Variants in TACC1 observed in about 807,000 individuals in gnomAD.
The protein encoded by TACC1 is transforming acidic coiled-coil containing protein 1, also known as transforming acidic coiled-coil-containing protein 1.
Under a neutral mutation model 84.4 loss-of-function variants are expected in TACC1, and 48 were observed. The ratio of observed to expected loss-of-function variants is 0.57; its 90% CI spans 0.45 to 0.72. The LOEUF is 0.72. Ranked by LOEUF, TACC1 falls within the 30% of genes least tolerant of loss-of-function variation. The probability of loss-of-function intolerance (pLI) is 0.00; values close to 1 mark genes in which losing one functional copy is unlikely to be tolerated. For missense variants in TACC1, 920 were observed against 973.0 expected (o/e 0.95, Z 0.72); for synonymous variants, 372 against 376.3 (o/e 0.99, Z 0.13).
At position 38,849,470 on chromosome 8, in the gene TACC1, T is replaced by A. The variant is rs1433013188; in HGVS notation, c.*1447T>A. The A allele has an allele frequency of 1.3e-5, 2 of 152,246 alleles. No individual in the cohort carries two copies. Among genetic ancestry groups the A allele is most frequent in the African/African-American group, 4.8e-5 (2 of 41,464 alleles). 9.4% of individuals were successfully genotyped at this position (152,246 alleles called of 1,614,324 possible). A position where few individuals can be genotyped will look rare whatever the true frequency, so the allele number is the denominator to read the frequency against. On this transcript the variant is annotated 3_prime_UTR_variant, in exon 13 of 13. Transcript: ENST00000317827. ...GTCTTAATCTTACATGCTGAAAGTC[T>A]TCATGGTGATATGCACTATATTCAG...
Position 38,852,330 on chromosome 8 carries a change from G to A in TACC1, c.*4307G>A. ...GTGCAATGCTGGCCTGTGGTGGTCT[G>A]TGTAATGCTTTAACTTGTATGGAGG... is the stretch of plus-strand genomic sequence containing the variant. On this transcript the variant is annotated 3_prime_UTR_variant, in exon 13 of 13. Transcript: ENST00000317827. 1 of 182,116 alleles carries A rather than the reference G, an allele frequency of 5.5e-6. No homozygotes were observed. Among genetic ancestry groups the A allele is most frequent in the Non-Finnish European group, 1.2e-5 (1 of 84,286 alleles). 11.3% of individuals were successfully genotyped at this position (182,116 alleles called of 1,614,324 possible).
chr8:38,808,719 T>C (rs1206949300), intron 2 of TACC1, among the ~76,000 whole-genome samples: 1 of 152,228 alleles, frequency 6.6e-6, no homozygotes, highest in Non-Finnish European at 1.5e-5. Flanking sequence ...CCTGGCCTAG[T>C]GTTTTAGGGC....
At chr8:38,729,348 C>T (rs1307077767) in intron 1 of TACC1, among the ~76,000 whole-genome samples, 1 of 152,206 alleles carries the variant, frequency 6.6e-6, no homozygotes, top group Non-Finnish European at 1.5e-5. Flanking sequence ...TTAAACGTTT[C>T]TGTCTGGGGC....
intron 3 of TACC1, among the ~76,000 whole-genome samples, chr8:38,758,909 C>T (rs779897457): frequency 2.0e-5 from 3 of 152,008 alleles, no homozygotes; most frequent in Non-Finnish European, 4.4e-5. Context: ...ATGCCGCAGC[C>T]GCCTCCCACC....
intron 2 of TACC1, among the ~76,000 whole-genome samples, chr8:38,811,962 T>C (rs1456951855): frequency 6.6e-6 from 1 of 152,144 alleles, no homozygotes; most frequent in Non-Finnish European, 1.5e-5. Flanking sequence ...GGGGAAAGAA[T>C]GCATTCCTGG....
In TACC1 at chr8:38,780,551, G is replaced by T. The variant is rs1815734067; in HGVS notation, c.27-8153G>T. Among the ~76,000 whole-genome samples, 3 of 151,202 alleles carry T rather than the reference G, an allele frequency of 2.0e-5. No individual in the cohort carries two copies. The South Asian group carries it at 6.3e-4, about 32-fold the overall frequency. Reference sequence around the variant, plus strand: ...TTCTGTGTTACAGAACAAAGATCTGGCTATTTTTGCATAAATGTGTCTCAA... The same window carrying T: ...TTCTGTGTTACAGAACAAAGATCTGTCTATTTTTGCATAAATGTGTCTCAA... On this transcript the variant is annotated intron_variant, in intron 3 of 14. Transcript: ENST00000518415.
At chr8:38,807,706 G>C (rs1351515412) in intron 2 of TACC1, among the ~76,000 whole-genome samples, 14 of 152,162 alleles carry the variant, frequency 9.2e-5, no homozygotes, top group African/African-American at 3.4e-4. Context: ...AAAATATTTT[G>C]TGATAACATT....
At chr8:38,839,655 A>G (rs1830844955) in intron 8 of TACC1, 1 of 228,846 alleles carries the variant, frequency 4.4e-6, no homozygotes, top group Non-Finnish European at 8.4e-6. Context: ...CTCACAGAGC[A>G]CCCAGCACCG....
intron 3 of TACC1, among the ~76,000 whole-genome samples, chr8:38,748,188 A>G (rs11995260): frequency 0.01 from 1,547 of 152,272 alleles, 21 homozygotes; most frequent in African/African-American, 0.035. Context: ...ATAAAAATAG[A>G]TTTCTAAAAA....
intron 3 of TACC1, among the ~76,000 whole-genome samples, chr8:38,772,251 G>A (rs923700277): frequency 6.6e-6 from 1 of 152,208 alleles, no homozygotes; most frequent in Non-Finnish European, 1.5e-5. Context: ...CATATACTGT[G>A]TTTACAAATG....
At position 38,848,760 on chromosome 8, in the gene TACC1, C is replaced by T. The variant is rs1338762175; in HGVS notation, c.*737C>T. ...GACTATTTGCCATGACGTTTTGTTGCCCTGGTATTTGGACACTCCTCAGCT... is the reference window on the plus strand; with the variant it reads ...GACTATTTGCCATGACGTTTTGTTGTCCTGGTATTTGGACACTCCTCAGCT... On this transcript the variant is annotated 3_prime_UTR_variant, in exon 13 of 13. Coordinates refer to ENST00000317827, the MANE Select transcript of TACC1 (RefSeq NM_006283.3). 1 of 152,232 alleles carries T rather than the reference C, an allele frequency of 6.6e-6. No individual in the cohort carries two copies. The highest frequency in any genetic ancestry group is 1.5e-5 in the Non-Finnish European group (1 of 68,036). 9.4% of individuals were successfully genotyped at this position (152,232 alleles called of 1,614,324 possible).
chr8:38,752,711 C>T (rs1451964030), intron 3 of TACC1, among the ~76,000 whole-genome samples: 2 of 152,142 alleles, frequency 1.3e-5, no homozygotes, highest in African/African-American at 4.8e-5. Context: ...CCTCTCTTTT[C>T]ATTCTCCTCC....
intron 1 of TACC1, among the ~76,000 whole-genome samples, chr8:38,734,418 A>G (rs549006029): frequency 3.3e-5 from 5 of 152,072 alleles, no homozygotes; most frequent in African/African-American, 1.2e-4. Context: ...CTGGTCTTGA[A>G]CTTCTGACCT....
intron 7 of TACC1, among the ~76,000 whole-genome samples, chr8:38,836,907 G>T (rs1383908176): frequency 6.6e-6 from 1 of 152,106 alleles, no homozygotes; most frequent in Non-Finnish European, 1.5e-5. Context: ...TTAAAGGAAG[G>T]TGTGGCAATT....
chr8:38,775,308 AAGGT>A (rs1814608300), intron 3 of TACC1, among the ~76,000 whole-genome samples: 1 of 152,204 alleles, frequency 6.6e-6, no homozygotes, highest in African/African-American at 2.4e-5. Flanking sequence ...ATCTTTGGCA[AAGGT>A]CCTTTCCAGC....
At chr8:38,806,632 G>C (rs914383566) in intron 2 of TACC1, among the ~76,000 whole-genome samples, 4 of 152,064 alleles carry the variant, frequency 2.6e-5, no homozygotes, top group African/African-American at 9.7e-5. Flanking sequence ...ACTTGGTTTT[G>C]GGTAAGAAGA....
rs559390556 is a variant in TACC1, at chr8:38,852,100, T to C, written c.*4077T>C. On this transcript the variant is annotated 3_prime_UTR_variant, in exon 13 of 13. Transcript: ENST00000317827. ...CATTCTCCAGGGAAGACCCATCCCC[T>C]AGTGCCAGAGCTTGCATCCTGGAGA... 39 of 340,340 alleles carry C rather than the reference T, an allele frequency of 1.1e-4. 1 individual carries two copies. In the East Asian group the frequency reaches 2.9e-3, roughly 25 times the overall value. The allele number at this position is 340,340 out of a possible 1,614,324, so 21.1% of individuals were successfully genotyped here. A position where few individuals can be genotyped will look rare whatever the true frequency, so the allele number is the denominator to read the frequency against.
chr8:38,819,895 C>A lies in TACC1; in HGVS notation c.651C>A (p.Asn217Lys), dbSNP rs367805656. 279 of 1,613,988 alleles carry A rather than the reference C, an allele frequency of 1.7e-4. 7 individuals are homozygous for A. In the South Asian group the frequency reaches 3.0e-3, roughly 17 times the overall value. The change falls in exon 3 of 13, where the codon AAC becomes AAA. Residue 217 changes from asparagine (N) to lysine (K), a missense_variant. This residue lies in a region of TACC1 where 762 missense variants were observed against 747.3 expected (regional missense o/e 1.02). Transcript: ENST00000317827. ...CAGAAGCTGATCTAAAAGCTGGCAA[C>A]TCCTGTCCAGAGCTTGTGCCCAGCA... ...ASAEADLKAGNSCPELVPSRR... is the reference protein window; with the variant it reads ...ASAEADLKAGKSCPELVPSRR...
chr8:38,788,686 A>AT lies in TACC1; in HGVS notation c.162-13dup, dbSNP rs1563491059. On this transcript the variant is annotated splice_polypyrimidine_tract_variant and intron_variant, in intron 1 of 12. Transcript: ENST00000317827. Reference sequence around the variant, plus strand: ...ATACCGTTGAAAGTGGTAATTCCTCATTTTTCCTCCTTGGCAGCTCGGATT... The same window carrying AT: ...ATACCGTTGAAAGTGGTAATTCCTCATTTTTTCCTCCTTGGCAGCTCGGATT... 2 of 1,586,694 alleles carry AT rather than the reference A, an allele frequency of 1.3e-6. No homozygotes were observed. Among genetic ancestry groups the AT allele is most frequent in the African/African-American group, 1.3e-5 (1 of 74,166 alleles).
Sources: allele counts gnomAD v4.1 joint callset (sites outside exome capture counted in the v4.1 genomes callset), GRCh38; gene constraint gnomAD v4.1.1; regional missense constraint gnomAD v4.1.1; transcripts MANE v1.5; gene names NCBI Gene and HGNC (gene_info 2026-07-23, HGNC 2026-07-21).